Variants in DLGAP1 observed in about 807,000 individuals in gnomAD.
DLGAP1 encodes disks large-associated protein 1.
Under a neutral mutation model 90.8 loss-of-function variants are expected in DLGAP1, and 11 were observed. The ratio of observed to expected loss-of-function variants is 0.12; its 90% CI spans 0.08 to 0.20. The LOEUF is 0.20. DLGAP1 is among the 10% of genes least tolerant of loss of function. DLGAP1 has a pLI of 1.00. For synonymous variants in DLGAP1, 558 were observed against 540.7 expected, an observed-to-expected ratio of 1.03 and a Z score of -0.44; for missense variants, 1,050 against 1,333.8, an observed-to-expected ratio of 0.79 and a Z score of 3.31.
intron 3 of DLGAP1, among the ~76,000 whole-genome samples, chr18:3,950,150 C>T (rs774256009): frequency 7.9e-5 from 12 of 152,088 alleles, no homozygotes; most frequent in Non-Finnish European, 1.8e-4. Flanking sequence ...TTGAGTACCC[C>T]TAAAAATCCC....
At chr18:3,587,575 C>G (rs1021765848) in intron 7 of DLGAP1, among the ~76,000 whole-genome samples, 6 of 152,140 alleles carry the variant, frequency 3.9e-5, no homozygotes, top group African/African-American at 1.4e-4. Flanking sequence ...AAAAGTTGGC[C>G]ACCCCAGCCA....
intron 7 of DLGAP1, among the ~76,000 whole-genome samples, chr18:3,723,544 T>C (rs2062050805): frequency 6.6e-6 from 1 of 151,788 alleles, no homozygotes; most frequent in South Asian, 2.1e-4. Context: ...GTCATTCTGC[T>C]TAGGGTTTAG....
At chr18:3,663,153 C>T (rs549899954) in intron 7 of DLGAP1, among the ~76,000 whole-genome samples, 2 of 152,048 alleles carry the variant, frequency 1.3e-5, no homozygotes, top group South Asian at 2.1e-4. Context: ...TGCCTGTAAT[C>T]CCAGCTACTT....
chr18:4,214,673 T>C (rs1429669232), intron 1 of DLGAP1, among the ~76,000 whole-genome samples: 1 of 152,192 alleles, frequency 6.6e-6, no homozygotes, highest in Admixed American at 6.6e-5. Context: ...CTCCTTAACA[T>C]AATTGCAAAC....
intron 5 of DLGAP1, among the ~76,000 whole-genome samples, chr18:3,776,962 A>G (rs915687818): frequency 6.6e-6 from 1 of 152,094 alleles, no homozygotes; most frequent in African/African-American, 2.4e-5. Flanking sequence ...GTTAATTTTT[A>G]AAATTTGTTT....
intron 1 of DLGAP1, among the ~76,000 whole-genome samples, chr18:4,373,549 C>T (rs1053697677): frequency 9.2e-5 from 14 of 152,152 alleles, no homozygotes; most frequent in Admixed American, 7.2e-4. Context: ...CATGCATCTG[C>T]ACACACATAA....
chr18:4,362,670 T>G (rs1378998189), intron 1 of DLGAP1, among the ~76,000 whole-genome samples: 2 of 152,132 alleles, frequency 1.3e-5, no homozygotes, highest in African/African-American at 4.8e-5. Context: ...GATGGTTGCA[T>G]GACAATATGA....
In DLGAP1 at chr18:4,250,033, CT is replaced by C. The variant is rs146038147; in HGVS notation, c.-266-98747del. Among the ~76,000 whole-genome samples the C allele has an allele frequency of 4.4e-3, 674 of 152,304 alleles. 7 individuals carry two copies. The highest frequency in any genetic ancestry group is 0.016 in the African/African-American group (650 of 41,550). On this transcript the variant is annotated intron_variant, in intron 1 of 12. Coordinates refer to ENST00000315677, the MANE Select transcript of DLGAP1 (RefSeq NM_004746.4). ...TGGGTAGGTAACTACCTCTGTTCCTCTTTATAGAGCAAAGGGTTTAGATCCC... is the reference window on the plus strand; with the variant it reads ...TGGGTAGGTAACTACCTCTGTTCCTCTTATAGAGCAAAGGGTTTAGATCCC...
In DLGAP1 at chr18:3,734,279, G is replaced by T. The variant is rs566606456; in HGVS notation, c.1351-4904C>A. Among the ~76,000 whole-genome samples, 422 of 151,796 alleles carry T rather than the reference G, an allele frequency of 2.8e-3. 2 individuals are homozygous for T. The highest frequency in any genetic ancestry group is 9.7e-3 in the African/African-American group (400 of 41,376). ...TCTCTCTCTCTCTCTAAGAGATAGG[G>T]TCTAGCTCTGTTGCCCAGGCTGGAG... is the stretch of plus-strand genomic sequence containing the variant. On this transcript the variant is annotated intron_variant, in intron 6 of 12. Transcript: ENST00000315677.
At chr18:4,348,418 G>A (rs1046633192) in intron 1 of DLGAP1, among the ~76,000 whole-genome samples, 33 of 151,628 alleles carry the variant, frequency 2.2e-4, no homozygotes, top group African/African-American at 7.5e-4. Context: ...GTGTGTGTGT[G>A]TGTGTGTGTG....
intron 1 of DLGAP1, among the ~76,000 whole-genome samples, chr18:4,249,942 TC>T (rs1325384099): frequency 6.6e-6 from 1 of 152,226 alleles, no homozygotes; most frequent in African/African-American, 2.4e-5. Context: ...TCTCTCTCTG[TC>T]CTATTCCACT....
intron 1 of DLGAP1, among the ~76,000 whole-genome samples, chr18:4,219,027 G>GTTTTTTT (rs34333673): frequency 1.1e-5 from 1 of 92,022 alleles, no homozygotes; most frequent in African/African-American, 4.4e-5. Context: ...TTCTATCTTT[G>GTTTTTTT]TTTTTTTTTT....
rs566887559 is a variant in DLGAP1, at chr18:3,646,885, A to C, written c.1592-64637T>G. On this transcript the variant is annotated intron_variant, in intron 7 of 12. Coordinates refer to ENST00000315677, the MANE Select transcript of DLGAP1 (RefSeq NM_004746.4). ...GCTTGCAGTGAGCCAAGATCGAACT[A>C]CTGCACTTCAGCCTGGGCAACAGGG... is the stretch of plus-strand genomic sequence containing the variant. Among the ~76,000 whole-genome samples, 865 of 152,038 alleles carry C rather than the reference A, an allele frequency of 5.7e-3. 9 individuals are homozygous for C. The highest frequency in any genetic ancestry group is 0.02 in the African/African-American group (837 of 41,324).
At chr18:4,360,794 C>T (rs2081614310) in intron 1 of DLGAP1, among the ~76,000 whole-genome samples, 2 of 152,256 alleles carry the variant, frequency 1.3e-5, no homozygotes, top group South Asian at 4.1e-4. Context: ...GCCTAGCCAA[C>T]ATGGCAAAAC....
intron 4 of DLGAP1, among the ~76,000 whole-genome samples, chr18:3,853,421 C>G (rs1252536063): frequency 6.6e-6 from 1 of 151,974 alleles, no homozygotes; most frequent in Non-Finnish European, 1.5e-5. Flanking sequence ...ATATTTGTAT[C>G]TTTTCTATGT....
At chr18:3,780,127 A>T (rs2065125099) in intron 5 of DLGAP1, among the ~76,000 whole-genome samples, 1 of 152,208 alleles carries the variant, frequency 6.6e-6, no homozygotes, top group South Asian at 2.1e-4. Context: ...CTTAAAAAAA[A>T]TTTTAAATTA....
intron 7 of DLGAP1, among the ~76,000 whole-genome samples, chr18:3,605,083 C>T (rs1310263057): frequency 6.6e-6 from 1 of 152,160 alleles, no homozygotes; most frequent in East Asian, 1.9e-4. Flanking sequence ...TGTCAGTCTG[C>T]AGTTTACAAA....
At position 3,814,722 on chromosome 18, in the gene DLGAP1, G is replaced by A. The variant is rs548802037; in HGVS notation, c.958-449C>T. ...AGCTATTTTGATACAAGCATACGAT[G>A]TGTAATAATCACATCAGGGTAAATG... On this transcript the variant is annotated intron_variant, in intron 4 of 12. Transcript: ENST00000315677. 2.0e-5 allele frequency among the ~76,000 whole-genome samples: 3 copies of A among 152,256 alleles called. No homozygotes were observed. In the East Asian group the frequency reaches 5.8e-4, roughly 29 times the overall value.
chr18:4,365,480 G>A (rs2081742056), intron 1 of DLGAP1, among the ~76,000 whole-genome samples: 2 of 152,068 alleles, frequency 1.3e-5, no homozygotes, highest in Admixed American at 1.3e-4. Flanking sequence ...AACTAAATTA[G>A]AATGATGATT....
Sources: allele counts gnomAD v4.1 joint callset (sites outside exome capture counted in the v4.1 genomes callset), GRCh38; gene constraint gnomAD v4.1.1; transcripts MANE v1.5; gene names NCBI Gene and HGNC (gene_info 2026-07-23, HGNC 2026-07-21).